MYBPC3: variants seen among roughly 807,000 people sequenced by gnomAD.
The protein encoded by MYBPC3 is myosin-binding protein C, cardiac-type.
In MYBPC3, 108 loss-of-function variants were observed where a neutral mutation model predicts 159.3. The ratio of observed to expected loss-of-function variants is 0.68; its 90% CI spans 0.58 to 0.80. The LOEUF (loss-of-function observed/expected upper bound fraction) is 0.80, where lower values mean the gene tolerates loss of function less well. Ranked by LOEUF, MYBPC3 falls within the 30% of genes least tolerant of loss-of-function variation. The pLI, the probability that MYBPC3 is intolerant of heterozygous loss-of-function variation, is 0.00. For missense variants in MYBPC3, 1,631 were observed against 1,762.1 expected (o/e 0.93, Z 1.33); for synonymous variants, 730 against 702.0 (o/e 1.04, Z -0.63).
In MYBPC3 at chr11:47,348,546, G is replaced by A. The variant is rs1313592776; in HGVS notation, c.655-5C>T. The A allele has an allele frequency of 6.2e-7, 1 of 1,606,478 alleles. No individual in the cohort carries two copies. Among genetic ancestry groups the A allele is most frequent in the East Asian group, 2.2e-5 (1 of 44,624 alleles). On this transcript the variant is annotated splice_polypyrimidine_tract_variant and splice_region_variant and intron_variant, in intron 5 of 34. Transcript: ENST00000545968. ...GTGCAGCTCGAACAGATAGACCTGT[G>A]TGCATGGAGGGACGGGGCGTCAGGG...
rs1373716453 is a variant in MYBPC3 at position 47,338,764 on chromosome 11, G to A, written c.2149-85C>T. 3.5e-6 allele frequency: 5 copies of A among 1,433,160 alleles called. No individual in the cohort carries two copies. The highest frequency in any genetic ancestry group is 4.6e-6 in the Non-Finnish European group (5 of 1,075,338). 88.8% of individuals were successfully genotyped at this position (1,433,160 alleles called of 1,614,324 possible). A position where few individuals can be genotyped will look rare whatever the true frequency, so the allele number is the denominator to read the frequency against. ...CCGCCAACAGCCAGATGTCCCGGGGGTCCATGGGGGGAACACAGCCTGTGG... is the reference window on the plus strand; with the variant it reads ...CCGCCAACAGCCAGATGTCCCGGGGATCCATGGGGGGAACACAGCCTGTGG... On this transcript the variant is annotated intron_variant, in intron 22 of 34. Coordinates refer to ENST00000545968, the MANE Select transcript of MYBPC3 (RefSeq NM_000256.3). The surrounding 1 kb of genome is among the most constrained non-coding windows in gnomAD (Gnocchi z 4.7).
intron 26 of MYBPC3, 28 bp downstream of exon 26, chr11:47,335,849 G>T (rs2095881670): frequency 7.0e-7 from 1 of 1,431,154 alleles, no homozygotes. Flanking sequence ...TTCCTTTGGG[G>T]AGGGGGGTTG....
At chr11:47,336,138 T>G (rs1051573816) in intron 25 of MYBPC3, 127 bp from the exon 26 acceptor site, 9 of 949,474 alleles carry the variant, frequency 9.5e-6, no homozygotes, top group Non-Finnish European at 1.3e-5. Flanking sequence ...TTTTGGCCAC[T>G]TTAAGGAATA....
rs2142850946 is a variant in MYBPC3 at position 47,333,272 on chromosome 11, C to T, written c.3252G>A (p.Leu1084=). Residue 1084 remains leucine (L), a synonymous_variant, in exon 30 of 35, where the codon CTG becomes CTA. Transcript: ENST00000545968. ...VTDAWGLNVA[L]EWKPPQDVGN... ...CGACATCCTGGGGTGGCTTCCACTC[C>T]AGAGCCACATTAAGACCCCAGGCGT... 6.3e-7 allele frequency: 1 copy of T among 1,589,712 alleles called. No homozygotes were observed. The highest frequency in any genetic ancestry group is 2.3e-5 in the East Asian group (1 of 43,680).
Position 47,350,530 on chromosome 11 carries a change from C to A in MYBPC3, c.378G>T (p.Glu126Asp), listed in dbSNP as rs758903546. The A allele has an allele frequency of 1.3e-6, 2 of 1,558,998 alleles. No individual in the cohort carries two copies. The change falls in exon 3 of 35, where the codon GAG becomes GAT. Residue 126 changes from glutamate to aspartate, a missense_variant. Physicochemically the swap from Glu to Asp is conservative, Grantham distance 45. Transcript: ENST00000545968. ...APGEAPAPAA[E>D]LGESAPSPKG... ...TGGGACTTGGGGCACTTTCTCCCAG[C>A]TCAGCGGCTGGGGCCGGGGCTTCTC...
Position 47,341,130 on chromosome 11 carries a change from A to T in MYBPC3, c.1897+8T>A, listed in dbSNP as rs2095888017. ...GCCCCGACCCACCCTACCCTGGAGC[A>T]GGCTCACCCATGAAGTGGAGCTTGG... is the stretch of plus-strand genomic sequence containing the variant. On this transcript the variant is annotated splice_region_variant and intron_variant, in intron 19 of 34. Transcript: ENST00000545968. 1 of 1,580,702 alleles carries T rather than the reference A, an allele frequency of 6.3e-7. No individual in the cohort carries two copies. Among genetic ancestry groups the T allele is most frequent in the Non-Finnish European group, 8.6e-7 (1 of 1,160,906 alleles).
intron 20 of MYBPC3, among the ~76,000 whole-genome samples, chr11:47,340,656 G>T (rs1449860453): frequency 6.6e-6 from 1 of 151,940 alleles, no homozygotes; most frequent in Non-Finnish European, 1.5e-5. Flanking sequence ...GACAGAGGGA[G>T]ACTCCGTCTC....
At position 47,351,749 on chromosome 11, in the gene MYBPC3, C is replaced by T. The variant is rs181439165; in HGVS notation, c.26-244G>A. 6.6e-6 allele frequency among the ~76,000 whole-genome samples: 1 copy of T among 152,330 alleles called. No individual in the cohort carries two copies. The highest frequency in any genetic ancestry group is 2.4e-5 in the African/African-American group (1 of 41,574). Reference sequence around the variant, plus strand: ...CAGTCGGGAGAGCCAGGGCTGTGGTCCTGACCTCCCAACAAGACTTTTTCT... The same window carrying T: ...CAGTCGGGAGAGCCAGGGCTGTGGTTCTGACCTCCCAACAAGACTTTTTCT... On this transcript the variant is annotated intron_variant, in intron 1 of 34. Transcript: ENST00000545968. This position sits in a 1 kb window ranked among gnomAD's most constrained non-coding sequence, Gnocchi z 4.2.
intron 26 of MYBPC3, 60 bp from the exon 27 acceptor site, chr11:47,335,269 C>T (rs1595842671): frequency 7.7e-7 from 1 of 1,302,246 alleles, no homozygotes; most frequent in Non-Finnish European, 1.0e-6. Context: ...ACCCCACTCC[C>T]ACTGCCCACT....
chr11:47,343,219 C>T, intron 14 of MYBPC3, 41 bp downstream of exon 14: 1 of 1,576,532 alleles, frequency 6.3e-7, no homozygotes. Context: ...CCATGATAAT[C>T]CCTGTGCCCC....
In MYBPC3 at chr11:47,346,944, C is replaced by G. The variant is rs1416638119; in HGVS notation, c.908+83G>C. 14 of 765,608 alleles carry G rather than the reference C, an allele frequency of 1.8e-5. No homozygotes were observed. Among genetic ancestry groups the G allele is most frequent in the Non-Finnish European group, 3.3e-5 (14 of 419,322 alleles). 47.4% of individuals were successfully genotyped at this position (765,608 alleles called of 1,614,324 possible). Reference sequence around the variant, plus strand: ...GCACCCTGCTCTGAGTCTCTCACCACAGCCTCTCAGAGAGGGGACGGGAAT... The same window carrying G: ...GCACCCTGCTCTGAGTCTCTCACCAGAGCCTCTCAGAGAGGGGACGGGAAT... On this transcript the variant is annotated intron_variant, in intron 10 of 34. Transcript: ENST00000545968. The surrounding 1 kb of genome is among the most constrained non-coding windows in gnomAD (Gnocchi z 5.3).
In MYBPC3 at chr11:47,333,299, A is replaced by C. The variant is rs374289617; in HGVS notation, c.3225T>G (p.Thr1075=). Residue 1075 remains threonine, a synonymous_variant, in exon 30 of 35, where the codon ACT becomes ACG. Coordinates refer to ENST00000545968, the MANE Select transcript of MYBPC3 (RefSeq NM_000256.3). ...KPSPPQDLRV[T]DAWGLNVALE... ...GAGCCACATTAAGACCCCAGGCGTC[A>C]GTCACCCGGAGATCCTGGGGAGGAC... is the stretch of plus-strand genomic sequence containing the variant. 3.0e-5 allele frequency: 48 copies of C among 1,589,632 alleles called. No individual in the cohort carries two copies. The highest frequency in any genetic ancestry group is 4.0e-5 in the Non-Finnish European group (47 of 1,167,586).
At chr11:47,334,855 G>A (rs1595842318) in intron 27 of MYBPC3, among the ~76,000 whole-genome samples, 187 bp downstream of exon 27, 1 of 152,262 alleles carries the variant, frequency 6.6e-6, no homozygotes, top group South Asian at 2.1e-4. Context: ...GAGCCACTGT[G>A]CCTGGCCACC....
Position 47,338,691 on chromosome 11 carries a change from C to T in MYBPC3, c.2149-12G>A. The T allele has an allele frequency of 1.2e-6, 2 of 1,603,184 alleles. No individual in the cohort carries two copies. Among genetic ancestry groups the T allele is most frequent in the East Asian group, 2.2e-5 (1 of 44,652 alleles). ...GTCTCACACAGCAGCTGGGGGGGTG[C>T]AGAGTTGGGGTGAGATCCAAGTCAG... On this transcript the variant is annotated splice_polypyrimidine_tract_variant and intron_variant, in intron 22 of 34. Coordinates refer to ENST00000545968, the MANE Select transcript of MYBPC3 (RefSeq NM_000256.3). This position sits in a 1 kb window ranked among gnomAD's most constrained non-coding sequence, Gnocchi z 4.7.
chr11:47,335,513 G>A (rs1174604023), intron 26 of MYBPC3: 3 of 285,788 alleles, frequency 1.0e-5, no homozygotes, highest in African/African-American at 2.2e-5. Context: ...TTTTAGTAGA[G>A]ACGGGGTTTC....
intron 13 of MYBPC3, 38 bp from the exon 14 acceptor site, chr11:47,343,300 G>C (rs772681090): frequency 2.0e-6 from 3 of 1,533,906 alleles, no homozygotes; most frequent in Admixed American, 3.9e-5. Context: ...GTTCCCGACG[G>C]GAGGAAGTGA....
Position 47,332,610 on chromosome 11 carries a change from C to T in MYBPC3, c.3583G>A (p.Gly1195Ser). 6.2e-7 allele frequency: 1 copy of T among 1,613,900 alleles called. No homozygotes were observed. Among genetic ancestry groups the T allele is most frequent in the Non-Finnish European group, 8.5e-7 (1 of 1,179,872 alleles). Residue 1195 changes from glycine to serine, a missense_variant, in exon 32 of 35, where the codon GGC becomes AGC. Gly to Ser is a moderately conservative substitution (Grantham distance 56, BLOSUM62 0). Transcript: ENST00000545968. The surrounding 1 kb of genome is among the most constrained non-coding windows in gnomAD (Gnocchi z 4.2). ...GCACAGCAGAGCATAGCAGTGTAGCCCGCGATGACCGAGCGGTTCACCAGG... is the reference window on the plus strand; with the variant it reads ...GCACAGCAGAGCATAGCAGTGTAGCTCGCGATGACCGAGCGGTTCACCAGG... Reference protein sequence around the residue: ...QPLVNRSVIAGYTAMLCCAVR... With the variant: ...QPLVNRSVIASYTAMLCCAVR...
intron 24 of MYBPC3, 40 bp downstream of exon 24, chr11:47,337,650 T>C (rs2095883847): frequency 1.6e-5 from 25 of 1,607,494 alleles, no homozygotes; most frequent in Non-Finnish European, 2.1e-5. Flanking sequence ...TCGGATCTGT[T>C]TGGCGCCCTC....
Position 47,333,725 on chromosome 11 carries a change from T to G in MYBPC3, c.3022A>C (p.Thr1008Pro). 6.2e-7 allele frequency: 1 copy of G among 1,606,516 alleles called. No individual in the cohort carries two copies. The highest frequency in any genetic ancestry group is 8.5e-7 in the Non-Finnish European group (1 of 1,176,970). ...QGKPRPQVTWTKEGQPLAGEE... is the reference protein window; with the variant it reads ...QGKPRPQVTWPKEGQPLAGEE... ...CCTGCCAGGGGCTGCCCCTCTTTGG[T>G]CCAGGTCACCTGAGGCCGGGGCTTG... The change falls in exon 29 of 35, where the codon ACC (threonine) becomes CCC (proline). Residue 1008 changes from threonine to proline, a missense_variant. Physicochemically the swap from Thr to Pro is conservative, Grantham distance 38 (BLOSUM62 -1). Transcript: ENST00000545968.
Sources: gnomAD v4.1 joint callset for allele counts (sites outside exome capture counted in the v4.1 genomes callset) on GRCh38, gnomAD v4.1.1 for gene constraint, Gnocchi (gnomAD v3.1) non-coding constraint, MANE v1.5 for transcripts, NCBI Gene and HGNC (gene_info 2026-07-23, HGNC 2026-07-21) for gene names.